ADHFE1: variants seen among roughly 807,000 people sequenced by gnomAD.
ADHFE1 encodes alcohol dehydrogenase iron containing 1, also known as hydroxyacid-oxoacid transhydrogenase, mitochondrial.
In ADHFE1, 37 loss-of-function variants were observed where a neutral mutation model predicts 54.8. That is an observed-to-expected ratio of 0.68 (90% confidence interval 0.52 to 0.89). The LOEUF is 0.89. Among genes scored for constraint, ADHFE1 ranks in the 40% least tolerant of loss-of-function variants. ADHFE1 has a pLI of 0.00. For synonymous variants in ADHFE1, 203 were observed against 229.3 expected, an observed-to-expected ratio of 0.89 and a Z score of 1.04; for missense variants, 601 against 591.2, an observed-to-expected ratio of 1.02 and a Z score of -0.17.
At chr8:66,447,092 G>A (rs567109243) in intron 6 of ADHFE1, among the ~76,000 whole-genome samples, 172 bp from the exon 7 acceptor site, 17 of 152,194 alleles carry the variant, frequency 1.1e-4, no homozygotes, top group Non-Finnish European at 2.4e-4. Context: ...ATGCAGACAC[G>A]GACATCATAC....
chr8:66,453,896 T>C (rs1023656541), intron 9 of ADHFE1, 163 bp from the exon 10 acceptor site: 12 of 1,514,882 alleles, frequency 7.9e-6, no homozygotes, highest in Non-Finnish European at 8.0e-6. Context: ...CCCTTCAGTT[T>C]TCATTTAGAA....
intron 2 of ADHFE1, among the ~76,000 whole-genome samples, chr8:66,441,035 C>G (rs915804518): frequency 6.6e-6 from 1 of 152,204 alleles, no homozygotes; most frequent in Non-Finnish European, 1.5e-5. Context: ...ATCTATGAGA[C>G]AGAAACATAT....
chr8:66,437,102 G>A (rs1805503413), intron 1 of ADHFE1, among the ~76,000 whole-genome samples: 1 of 152,202 alleles, frequency 6.6e-6, no homozygotes, highest in African/African-American at 2.4e-5. Context: ...AATGGCTATA[G>A]CCCGCTGAAG....
chr8:66,439,268 G>A lies in ADHFE1; in HGVS notation c.60-894G>A, dbSNP rs781184156. ...TTTTTGGCGGGGAGAAGGAAGTGAT[G>A]CACTCAAGTATCTACCGAGACCCAA... On this transcript the variant is annotated intron_variant, in intron 1 of 13. Coordinates refer to ENST00000396623, the MANE Select transcript of ADHFE1 (RefSeq NM_144650.3). The surrounding 1 kb of genome is among the most constrained non-coding windows in gnomAD (Gnocchi z 4.4). 2.0e-6 allele frequency: 2 copies of A among 985,518 alleles called. No homozygotes were observed. The highest frequency in any genetic ancestry group is 9.4e-5 in the South Asian group (2 of 21,294). 61.0% of individuals were successfully genotyped at this position (985,518 alleles called of 1,614,324 possible).
At chr8:66,443,523 C>T (rs972498617) in intron 3 of ADHFE1, among the ~76,000 whole-genome samples, 9 of 152,120 alleles carry the variant, frequency 5.9e-5, no homozygotes, top group African/African-American at 2.2e-4. Context: ...GGTGATCTGA[C>T]CACCTCGGCC....
In ADHFE1 at chr8:66,457,053, ATTT is replaced by A; in HGVS notation, c.1066-16_1066-14del. The A allele has an allele frequency of 6.2e-7, 1 of 1,608,868 alleles. No individual in the cohort carries two copies. The highest frequency in any genetic ancestry group is 8.5e-7 in the Non-Finnish European group (1 of 1,176,840). Reference sequence around the variant, plus strand: ...AGCTTTGTCATCTGCCGGTCACCGCATTTCGTTTCTCCCCAGCCCCATGGCCTT... The same window carrying A: ...AGCTTTGTCATCTGCCGGTCACCGCACGTTTCTCCCCAGCCCCATGGCCTT... On this transcript the variant is annotated splice_polypyrimidine_tract_variant and intron_variant, in intron 11 of 13. Transcript: ENST00000396623.
intron 13 of ADHFE1, among the ~76,000 whole-genome samples, chr8:66,467,348 G>A (rs1268068831): frequency 6.6e-6 from 1 of 152,084 alleles, no homozygotes; most frequent in Non-Finnish European, 1.5e-5. Flanking sequence ...GGGTGGGAGA[G>A]TCAGAGTTCT....
Position 66,439,325 on chromosome 8 carries a change from G to T in ADHFE1, c.60-837G>T, listed in dbSNP as rs1805626174. ...GACAAGGTCTTCTGGGCAACCCAAC[G>T]AAACATAAAACCGTCTTCCCAGCCT... On this transcript the variant is annotated intron_variant, in intron 1 of 13. Transcript: ENST00000396623. This position sits in a 1 kb window ranked among gnomAD's most constrained non-coding sequence, Gnocchi z 4.4. 2.0e-6 allele frequency: 2 copies of T among 985,442 alleles called. No homozygotes were observed. The highest frequency in any genetic ancestry group is 4.7e-5 in the South Asian group (1 of 21,284). The allele number at this position is 985,442 out of a possible 1,614,324, so 61.0% of individuals were successfully genotyped here.
intron 12 of ADHFE1, chr8:66,460,016 G>C (rs796306926): frequency 5.9e-5 from 21 of 357,076 alleles, no homozygotes; most frequent in African/African-American, 4.2e-4. Flanking sequence ...CTCCATCCCA[G>C]CACCAGCCGA....
At chr8:66,442,309 C>CTTTTTTTTTTTTTTTTTTTTTTTTTTTT (rs1028439051) in intron 2 of ADHFE1, among the ~76,000 whole-genome samples, 1 of 133,810 alleles carries the variant, frequency 7.5e-6, no homozygotes, top group Non-Finnish European at 1.6e-5. Context: ...TACATTCTAT[C>CTTTTTTTTTTTTTTTTTTTTTTTTTTTT]TTTTTTTTTT....
intron 10 of ADHFE1, among the ~76,000 whole-genome samples, chr8:66,454,748 C>G (rs903204798): frequency 6.6e-6 from 1 of 151,458 alleles, no homozygotes; most frequent in Non-Finnish European, 1.5e-5. Context: ...GAGTCTCACT[C>G]TGTTGTCCAG....
chr8:66,463,395 T>C (rs936780698), intron 13 of ADHFE1, among the ~76,000 whole-genome samples: 1 of 152,228 alleles, frequency 6.6e-6, no homozygotes, highest in Non-Finnish European at 1.5e-5. Context: ...TCAGGCTGTA[T>C]TCATAAAACA....
chr8:66,460,108 G>C, intron 12 of ADHFE1, 200 bp from the exon 13 acceptor site: 1 of 604,252 alleles, frequency 1.7e-6, no homozygotes, highest in East Asian at 2.9e-5. Flanking sequence ...TGTAGGACTT[G>C]GCAGCCCCTC....
intron 13 of ADHFE1, among the ~76,000 whole-genome samples, chr8:66,460,721 A>C (rs962200663): frequency 2.0e-5 from 3 of 152,242 alleles, no homozygotes; most frequent in African/African-American, 4.8e-5. Flanking sequence ...TCCTTTATGA[A>C]AATTCAAGGC....
In ADHFE1 at chr8:66,444,456, A is replaced by T. The variant is rs189968396; in HGVS notation, c.198+36A>T. The T allele has an allele frequency of 8.7e-5, 140 of 1,610,962 alleles. 1 individual carries two copies. The highest frequency in any genetic ancestry group is 7.7e-4 in the Admixed American group (46 of 59,992). On this transcript the variant is annotated intron_variant, in intron 4 of 13. Coordinates refer to ENST00000396623, the MANE Select transcript of ADHFE1 (RefSeq NM_144650.3). Reference sequence around the variant, plus strand: ...GAGATGTCTACGGTCTCCTACTGTAAATGTTACATATCTCACAAGACCATG... The same window carrying T: ...GAGATGTCTACGGTCTCCTACTGTATATGTTACATATCTCACAAGACCATG...
At chr8:66,437,935 G>A (rs541374047) in intron 1 of ADHFE1, among the ~76,000 whole-genome samples, 14 of 152,188 alleles carry the variant, frequency 9.2e-5, no homozygotes, top group Non-Finnish European at 1.5e-4. Context: ...GTATGTTACA[G>A]GCAGAGGAAA....
chr8:66,452,297 C>A (rs571172518), intron 9 of ADHFE1, among the ~76,000 whole-genome samples, 192 bp downstream of exon 9: 7 of 152,314 alleles, frequency 4.6e-5, no homozygotes, highest in Non-Finnish European at 2.9e-5. Flanking sequence ...AAACTGGGTC[C>A]TTCAGTCCCT....
At chr8:66,440,893 G>A (rs900005477) in intron 2 of ADHFE1, among the ~76,000 whole-genome samples, 4 of 152,190 alleles carry the variant, frequency 2.6e-5, no homozygotes, top group African/African-American at 9.6e-5. Flanking sequence ...AGGATCCTAA[G>A]CAGAAACCCA....
chr8:66,455,934 C>CAA (rs57444701), intron 10 of ADHFE1, among the ~76,000 whole-genome samples: 1 of 151,662 alleles, frequency 6.6e-6, no homozygotes, highest in African/African-American at 2.4e-5. Flanking sequence ...GACCCTGTCT[C>CAA]AAAAAAACCC....
Sources: allele counts gnomAD v4.1 joint callset (sites outside exome capture counted in the v4.1 genomes callset), GRCh38; gene constraint gnomAD v4.1.1; non-coding constraint Gnocchi (gnomAD v3.1); transcripts MANE v1.5; gene names NCBI Gene and HGNC (gene_info 2026-07-23, HGNC 2026-07-21).